MBOAT1: variants seen among roughly 807,000 people sequenced by gnomAD.
The protein encoded by MBOAT1 is membrane bound glycerophospholipid O-acyltransferase 1, also known as membrane-bound glycerophospholipid O-acyltransferase 1.
Under a neutral mutation model 64.4 loss-of-function variants are expected in MBOAT1, and 67 were observed. The observed-to-expected ratio is 1.04, with a 90% CI of 0.85 to 1.27. The LOEUF (loss-of-function observed/expected upper bound fraction) is 1.27, where lower values mean the gene tolerates loss of function less well. Ranked by LOEUF, MBOAT1 falls within the 50% of genes most tolerant of loss-of-function variation. MBOAT1 has a pLI of 0.00. For synonymous variants in MBOAT1, 229 were observed against 218.9 expected (o/e 1.05, Z -0.41); for missense variants, 563 against 604.6 (o/e 0.93, Z 0.72).
Position 20,129,107 on chromosome 6 carries a change from T to C in MBOAT1, c.476-354A>G, listed in dbSNP as rs567769205. Among the ~76,000 whole-genome samples, 4 of 152,268 alleles carry C rather than the reference T, an allele frequency of 2.6e-5. No homozygotes were observed. In the South Asian group the frequency reaches 8.3e-4, roughly 32 times the overall value. The stretch of plus-strand genomic sequence containing the variant: ...CTTCCCTGATACATCAGAGAGAGCA[T>C]CTTGCCTTTCACAGGCTGCCACAGC... On this transcript the variant is annotated intron_variant, in intron 5 of 12. Transcript: ENST00000324607.
At chr6:20,130,830 T>A (rs186943481) in intron 5 of MBOAT1, among the ~76,000 whole-genome samples, 90 of 152,280 alleles carry the variant, frequency 5.9e-4, no homozygotes, top group Non-Finnish European at 1.0e-3. Context: ...CATTTCTTTT[T>A]AACAGATTTG....
At chr6:20,196,507 A>C (rs1762958548) in intron 1 of MBOAT1, among the ~76,000 whole-genome samples, 1 of 152,138 alleles carries the variant, frequency 6.6e-6, no homozygotes, top group Non-Finnish European at 1.5e-5. Context: ...GGTTCTTTAG[A>C]TGGGATGAAA....
At position 20,212,413 on chromosome 6, in the gene MBOAT1, T is replaced by A. The variant is rs1464971441; in HGVS notation, c.-179A>T. 1.6e-6 allele frequency: 1 copy of A among 608,530 alleles called. No homozygotes were observed. Among genetic ancestry groups the A allele is most frequent in the African/African-American group, 1.9e-5 (1 of 51,792 alleles). 37.7% of individuals were successfully genotyped at this position (608,530 alleles called of 1,614,324 possible). A position where few individuals can be genotyped will look rare whatever the true frequency, so the allele number is the denominator to read the frequency against. ...GCGCAAACTCTCGAGGCGCAAACTCTCGAGGCGCAAACTTGGCTTTGGCGC... is the reference window on the plus strand; with the variant it reads ...GCGCAAACTCTCGAGGCGCAAACTCACGAGGCGCAAACTTGGCTTTGGCGC... On this transcript the variant is annotated 5_prime_UTR_variant, in exon 1 of 13. Transcript: ENST00000324607.
chr6:20,131,110 C>G (rs776536575), intron 5 of MBOAT1, 34 bp downstream of exon 5: 2 of 1,594,168 alleles, frequency 1.3e-6, no homozygotes, highest in Non-Finnish European at 1.7e-6. Context: ...GTCAGGCTCA[C>G]TCTGAGAACC....
At position 20,188,502 on chromosome 6, in the gene MBOAT1, A is replaced by G. The variant is rs550591454; in HGVS notation, c.99+23634T>C. The stretch of plus-strand genomic sequence containing the variant: ...CAAGAGAATTAAGGAGTGTGGACAC[A>G]AAGGGTGAGGTTGGAGGGAAAGTTT... On this transcript the variant is annotated intron_variant, in intron 1 of 12. Transcript: ENST00000324607. Among the ~76,000 whole-genome samples the G allele has an allele frequency of 3.3e-5, 5 of 152,268 alleles. No homozygotes were observed. The South Asian group carries it at 1.0e-3, about 32-fold the overall frequency.
At chr6:20,109,940 C>T (rs567972422) in intron 11 of MBOAT1, among the ~76,000 whole-genome samples, 191 bp from the exon 12 acceptor site, 392 of 125,794 alleles carry the variant, frequency 3.1e-3, no homozygotes, top group Admixed American at 5.0e-3. Context: ...GATGGAGTCT[C>T]GCTCTGTCGC....
intron 1 of MBOAT1, among the ~76,000 whole-genome samples, chr6:20,205,301 T>C (rs936151425): frequency 6.6e-6 from 1 of 152,174 alleles, no homozygotes; most frequent in Non-Finnish European, 1.5e-5. Flanking sequence ...CTGTATTAAC[T>C]GAGAGAATGT....
chr6:20,162,786 GAATTAA>G (rs1261669453), intron 1 of MBOAT1, among the ~76,000 whole-genome samples: 2 of 152,202 alleles, frequency 1.3e-5, no homozygotes, highest in African/African-American at 4.8e-5. Flanking sequence ...GGGAAAATTT[GAATTAA>G]ACTGATAGAG....
At chr6:20,175,491 G>A (rs595963) in intron 1 of MBOAT1, among the ~76,000 whole-genome samples, 59,800 of 151,826 alleles carry the variant, frequency 0.39, 11,741 homozygotes, top group East Asian at 0.46. Flanking sequence ...CTGTTGCCCA[G>A]GCTGGAGTGC....
chr6:20,126,269 T>C (rs1332776887), intron 7 of MBOAT1, among the ~76,000 whole-genome samples: 1 of 152,242 alleles, frequency 6.6e-6, no homozygotes, highest in Non-Finnish European at 1.5e-5. Flanking sequence ...ACACCTTGTA[T>C]GCACTAAATA....
intron 8 of MBOAT1, among the ~76,000 whole-genome samples, chr6:20,120,588 G>A (rs1476107309): frequency 6.6e-6 from 1 of 152,106 alleles, no homozygotes; most frequent in Admixed American, 6.6e-5. Flanking sequence ...AGAATCACTT[G>A]AACCCAGGAC....
At chr6:20,188,645 T>G (rs1376882818) in intron 1 of MBOAT1, among the ~76,000 whole-genome samples, 1 of 152,196 alleles carries the variant, frequency 6.6e-6, no homozygotes, top group Non-Finnish European at 1.5e-5. Context: ...GTGTCTCATT[T>G]GCATAAGGTG....
At position 20,137,886 on chromosome 6, in the gene MBOAT1, A is replaced by G. The variant is rs536525965; in HGVS notation, c.419+6334T>C. 1.7e-4 allele frequency among the ~76,000 whole-genome samples: 26 copies of G among 152,330 alleles called. No homozygotes were observed. The South Asian group carries it at 5.2e-3, about 30-fold the overall frequency. ...AATGGCTATACATCAGGCTGCTTTA[A>G]AACACCAGGTTCAACTTCAAAATAC... On this transcript the variant is annotated intron_variant, in intron 4 of 12. Coordinates refer to ENST00000324607, the MANE Select transcript of MBOAT1 (RefSeq NM_001080480.3).
chr6:20,170,168 C>T (rs983348718), intron 1 of MBOAT1, among the ~76,000 whole-genome samples: 1 of 152,210 alleles, frequency 6.6e-6, no homozygotes, highest in African/African-American at 2.4e-5. Flanking sequence ...CATCCCAGGC[C>T]AGTGTCTCTG....
At chr6:20,152,534 C>T (rs570619397) in intron 2 of MBOAT1, 90 bp downstream of exon 2, 196 of 1,302,468 alleles carry the variant, frequency 1.5e-4, no homozygotes, top group Non-Finnish European at 1.9e-4. Context: ...TTTTATAATG[C>T]CATCTATTTC....
Position 20,191,828 on chromosome 6 carries a change from G to A in MBOAT1, c.99+20308C>T, listed in dbSNP as rs77059104. Among the ~76,000 whole-genome samples, 138 of 152,112 alleles carry A rather than the reference G, an allele frequency of 9.1e-4. 1 individual carries two copies. Among genetic ancestry groups the A allele is most frequent in the Non-Finnish European group, 1.8e-3 (121 of 68,008 alleles). On this transcript the variant is annotated intron_variant, in intron 1 of 12. Transcript: ENST00000324607. Reference sequence around the variant, plus strand: ...GTACTAATAAAGCTATATTATTATAGTACTAATAAAGTACTATAACTGGAA... The same window carrying A: ...GTACTAATAAAGCTATATTATTATAATACTAATAAAGTACTATAACTGGAA...
chr6:20,173,008 A>C (rs1762244393), intron 1 of MBOAT1, among the ~76,000 whole-genome samples: 1 of 152,160 alleles, frequency 6.6e-6, no homozygotes, highest in South Asian at 2.1e-4. Context: ...AGTTCTCACA[A>C]GATCTGGTTG....
Position 20,100,954 on chromosome 6 carries a change from C to G in MBOAT1, c.*1332G>C, listed in dbSNP as rs1759770094. Among the ~76,000 whole-genome samples the G allele has an allele frequency of 6.6e-6, 1 of 152,042 alleles. No individual in the cohort carries two copies. The highest frequency in any genetic ancestry group is 6.6e-5 in the Admixed American group (1 of 15,256). On this transcript the variant is annotated 3_prime_UTR_variant, in exon 13 of 13. Coordinates refer to ENST00000324607, the MANE Select transcript of MBOAT1 (RefSeq NM_001080480.3). Reference sequence around the variant, plus strand: ...TTCATAACAAAGATAGAAAAGAAAACTTTCAATGTCTGCTTTCCAATATGA... The same window carrying G: ...TTCATAACAAAGATAGAAAAGAAAAGTTTCAATGTCTGCTTTCCAATATGA...
chr6:20,147,793 C>T (rs1049937802), intron 3 of MBOAT1, among the ~76,000 whole-genome samples: 1 of 151,970 alleles, frequency 6.6e-6, no homozygotes, highest in Non-Finnish European at 1.5e-5. Flanking sequence ...TAGTGTTGTC[C>T]TAGAGTTAAT....
Sources: gnomAD v4.1 joint callset for allele counts (sites outside exome capture counted in the v4.1 genomes callset) on GRCh38, gnomAD v4.1.1 for gene constraint, MANE v1.5 for transcripts, NCBI Gene and HGNC (gene_info 2026-07-23, HGNC 2026-07-21) for gene names.